The following SIGIRR variants were observed in gnomAD, a reference collection of about 807,000 sequenced individuals.
SIGIRR encodes the protein single Ig and TIR domain containing.
Under a neutral mutation model 45.6 loss-of-function variants are expected in SIGIRR, and 41 were observed. The ratio of observed to expected loss-of-function variants is 0.90; its 90% CI spans 0.70 to 1.17. The LOEUF (loss-of-function observed/expected upper bound fraction) is 1.17. Among genes scored for constraint, SIGIRR ranks in the 50% most tolerant of loss-of-function variants. The probability of loss-of-function intolerance (pLI) is 0.00; values close to 1 mark genes in which losing one functional copy is unlikely to be tolerated. For missense variants in SIGIRR, 599 were observed against 539.6 expected (o/e 1.11, Z -1.09); for synonymous variants, 298 against 239.0 (o/e 1.25, Z -2.28).
Position 406,868 on chromosome 11 carries a change from A to G in SIGIRR, c.854T>C (p.Leu285Ser), listed in dbSNP as rs1160571785. 4 of 1,577,148 alleles carry G rather than the reference A, an allele frequency of 2.5e-6. No homozygotes were observed. Among genetic ancestry groups the G allele is most frequent in the Non-Finnish European group, 3.4e-6 (4 of 1,168,072 alleles). Residue 285 changes from leucine to serine, a missense_variant, in exon 8 of 10, where the codon TTG becomes TCG. Transcript: ENST00000431843. ...CACGGAGCCGGGCCTCCAGAGCAGC[A>G]AGGTCACCAGGTGGCGGTGCTGGCG... The part of the protein sequence containing the change: ...LLRQHRHLVT[L>S]LLWRPGSVTP...
intron 1 of SIGIRR, among the ~76,000 whole-genome samples, chr11:410,244 A>G (rs1472331317): frequency 6.6e-6 from 1 of 151,994 alleles, no homozygotes; most frequent in Non-Finnish European, 1.5e-5. Context: ...GGGAGGGGCC[A>G]TCAAGTCCAG....
chr11:409,870 G>T lies in SIGIRR; in HGVS notation c.5C>A (p.Pro2Gln). 1 of 1,331,922 alleles carries T rather than the reference G, an allele frequency of 7.5e-7. No homozygotes were observed. The highest frequency in any genetic ancestry group is 9.7e-7 in the Non-Finnish European group (1 of 1,034,766). The allele number at this position is 1,331,922 out of a possible 1,614,324, so 82.5% of individuals were successfully genotyped here. A position where few individuals can be genotyped will look rare whatever the true frequency, so the allele number is the denominator to read the frequency against. Residue 2 changes from proline to glutamine, a missense_variant and splice_region_variant, in exon 2 of 10, where the codon CCA (proline) becomes CAA (glutamine). By Grantham distance (76) the Pro-to-Gln change is moderately conservative (BLOSUM62 -1). Transcript: ENST00000431843. Reference protein sequence around the residue: MPGVCDRAPDFL... With the variant: MQGVCDRAPDFL... ...CCATCCCTCTCTGACCTGCCTACCT[G>T]GCATGGCTCTGAGCCGGGGCCTCCT...
chr11:410,784 G>GA (rs1847571422), intron 1 of SIGIRR, among the ~76,000 whole-genome samples: 1 of 62,558 alleles, frequency 1.6e-5, no homozygotes, highest in African/African-American at 6.8e-5. Context: ...TACAGTCGGG[G>GA]GGGGGTGCCC....
intron 1 of SIGIRR, among the ~76,000 whole-genome samples, chr11:412,762 C>T (rs1267274111): frequency 1.3e-4 from 20 of 151,536 alleles, no homozygotes; most frequent in Admixed American, 1.3e-3. Flanking sequence ...CGTCTGGTTA[C>T]AGTCAGGAGT....
At chr11:411,108 G>C (rs867207208) in intron 1 of SIGIRR, among the ~76,000 whole-genome samples, 796 of 28,428 alleles carry the variant, frequency 0.028, 77 homozygotes, top group Non-Finnish European at 0.039. Flanking sequence ...GCAGTCGGGC[G>C]GGGGGGGTGC....
rs116175982 is a variant in SIGIRR at position 412,767 on chromosome 11, A to G, written c.-154+2056T>C. On this transcript the variant is annotated intron_variant, in intron 1 of 9. Transcript: ENST00000431843. The stretch of plus-strand genomic sequence containing the variant: ...CTCTGGCCCACGTCTGGTTACAGTC[A>G]GGAGTGCACGTGAGCACAGACACCT... Among the ~76,000 whole-genome samples the G allele has an allele frequency of 9.7e-3, 1,462 of 151,466 alleles. 32 individuals carry two copies. Among genetic ancestry groups the G allele is most frequent in the African/African-American group, 0.034 (1,390 of 41,248 alleles).
chr11:416,794 C>G (rs1335662152), upstream of SIGIRR, among the ~76,000 whole-genome samples: 1 of 152,158 alleles, frequency 6.6e-6, no homozygotes, highest in Non-Finnish European at 1.5e-5. This position sits in a 1 kb window ranked among gnomAD's most constrained non-coding sequence, Gnocchi z 9.1. Flanking sequence ...TGGGCGCCCT[C>G]CAAGTGAGGA....
At chr11:415,906 G>T (rs1007684955), upstream of SIGIRR, among the ~76,000 whole-genome samples, 3 of 152,186 alleles carry the variant, frequency 2.0e-5, no homozygotes, top group African/African-American at 7.2e-5. This position sits in a 1 kb window ranked among gnomAD's most constrained non-coding sequence, Gnocchi z 6.6. Flanking sequence ...CATGGGGGCA[G>T]GGCTTCATTG....
chr11:406,212 G>C (rs1847289182), intron 9 of SIGIRR, 137 bp downstream of exon 9: 2 of 1,539,058 alleles, frequency 1.3e-6, no homozygotes, highest in Non-Finnish European at 1.7e-6. Flanking sequence ...CTCCAGGGCA[G>C]AGGCCGTGCA....
In SIGIRR at chr11:407,215, G is replaced by A. The variant is rs776101106; in HGVS notation, c.626-51C>T. The A allele has an allele frequency of 7.4e-6, 7 of 939,896 alleles. No homozygotes were observed. In the South Asian group the frequency reaches 1.3e-4, roughly 18 times the overall value. The allele number at this position is 939,896 out of a possible 1,614,324, so 58.2% of individuals were successfully genotyped here. A position where few individuals can be genotyped will look rare whatever the true frequency, so the allele number is the denominator to read the frequency against. ...GCAGGGGCGGGGGCGGGGGAGGGCG[G>A]GGCCGGAGGCTCAGGGGCGGTGCCG... On this transcript the variant is annotated intron_variant, in intron 6 of 9. Transcript: ENST00000431843.
chr11:406,853 G>C lies in SIGIRR; in HGVS notation c.869C>G (p.Pro290Arg). ...GCGCCTGCTCCGCACCACGGAGCCG[G>C]GCCTCCAGAGCAGCAAGGTCACCAG... ...RHLVTLLLWRPGSVTPSSDFW... is the reference protein window; with the variant it reads ...RHLVTLLLWRRGSVTPSSDFW... The change falls in exon 8 of 10, where the codon CCC (proline) becomes CGC (arginine). Residue 290 changes from proline to arginine, a missense_variant. By Grantham distance (103) the Pro-to-Arg change is moderately radical (BLOSUM62 -2). Transcript: ENST00000431843. 6.4e-7 allele frequency: 1 copy of C among 1,563,440 alleles called. No individual in the cohort carries two copies. The highest frequency in any genetic ancestry group is 8.6e-7 in the Non-Finnish European group (1 of 1,161,024).
chr11:414,718 TCACACACACATG>T (rs1171527506), intron 1 of SIGIRR, 93 bp downstream of exon 1: 4 of 782,298 alleles, frequency 5.1e-6, no homozygotes, highest in Non-Finnish European at 6.2e-6. Context: ...TCGCTCTGTC[TCACACACACATG>T]CACACACATG....
At chr11:408,031 C>T in intron 4 of SIGIRR, 42 bp downstream of exon 4, 1 of 1,610,876 alleles carries the variant, frequency 6.2e-7, no homozygotes, top group Non-Finnish European at 8.5e-7. Context: ...CTCACTAGGT[C>T]TAGGTCCCCT....
Position 406,025 on chromosome 11 carries a change from A to T in SIGIRR, c.1104T>A (p.Ala368=), listed in dbSNP as rs370768312. Residue 368 remains alanine (A), a synonymous_variant, in exon 10 of 10, where the codon GCT becomes GCA. Coordinates refer to ENST00000431843, the MANE Select transcript of SIGIRR (RefSeq NM_001135054.2). The stretch of plus-strand genomic sequence containing the variant: ...GCGAGACCCCACTGGTGTGCGGTGG[A>T]GCTGATGGCTCTCCAAAGACAGGCC... ...VRGPVFGEPS[A]PPHTSGVSLG... 1 of 1,604,972 alleles carries T rather than the reference A, an allele frequency of 6.2e-7. No individual in the cohort carries two copies. The highest frequency in any genetic ancestry group is 8.5e-7 in the Non-Finnish European group (1 of 1,176,520).
At position 407,115 on chromosome 11, in the gene SIGIRR, G is replaced by GCTA; in HGVS notation, c.674_675insTAG (p.Ile225_Val226insSer). 6.5e-7 allele frequency: 1 copy of GCTA among 1,544,496 alleles called. No homozygotes were observed. The highest frequency in any genetic ancestry group is 8.7e-7 in the Non-Finnish European group (1 of 1,151,182). ...TCAGGAAGGCGTCCGAAAGCACCAC[G>GCTA]ATGAGGCGTCGGCAGCGGCTCAGGT... On this transcript the variant is annotated inframe_insertion, in exon 7 of 10. Coordinates refer to ENST00000431843, the MANE Select transcript of SIGIRR (RefSeq NM_001135054.2).
chr11:411,484 C>T (rs1424315973), intron 1 of SIGIRR, among the ~76,000 whole-genome samples: 5 of 8,738 alleles, frequency 5.7e-4, no homozygotes, highest in African/African-American at 1.0e-3. Context: ...GGAGGGGTGC[C>T]CAGCTCTGAC....
chr11:415,374 G>A (rs1183603277), upstream of SIGIRR, among the ~76,000 whole-genome samples: 2 of 151,782 alleles, frequency 1.3e-5, no homozygotes, highest in African/African-American at 2.4e-5. The surrounding 1 kb of genome is among the most constrained non-coding windows in gnomAD (Gnocchi z 6.6). Flanking sequence ...ATGCATGGGG[G>A]GTCCTCCAGC....
intron 9 of SIGIRR, 133 bp from the exon 10 acceptor site, chr11:406,192 G>T (rs1241915805): frequency 1.3e-6 from 2 of 1,537,718 alleles, no homozygotes; most frequent in Non-Finnish European, 1.7e-6. Context: ...GCAGACCGAG[G>T]GCCGAGCACC....
chr11:407,839 C>T lies in SIGIRR; in HGVS notation c.459G>A (p.Ala153=), dbSNP rs754600155. The change falls in exon 5 of 10, where the codon GCG becomes GCA. Residue 153 remains alanine (A), a synonymous_variant. Coordinates refer to ENST00000431843, the MANE Select transcript of SIGIRR (RefSeq NM_001135054.2). ...CACCGTTTATCTCCACCTCCCCATA[C>T]GCGTCCTGGTACCAGAGCAGCACGT... ...RLNVLLWYQD[A]YGEVEINDGK... 5 of 1,612,584 alleles carry T rather than the reference C, an allele frequency of 3.1e-6. No homozygotes were observed. The highest frequency in any genetic ancestry group is 2.2e-5 in the South Asian group (2 of 91,084).
Sources: gnomAD v4.1 joint callset for allele counts (sites outside exome capture counted in the v4.1 genomes callset) on GRCh38, gnomAD v4.1.1 for gene constraint, Gnocchi (gnomAD v3.1) non-coding constraint, MANE v1.5 for transcripts, NCBI Gene and HGNC (gene_info 2026-07-23, HGNC 2026-07-21) for gene names.